Variants in PHACTR1 observed in about 807,000 individuals in gnomAD.
The protein encoded by PHACTR1 is phosphatase and actin regulator 1.
Under a neutral mutation model 69.2 loss-of-function variants are expected in PHACTR1, and 16 were observed. The ratio of observed to expected loss-of-function variants is 0.23; its 90% CI spans 0.16 to 0.35. PHACTR1 has a LOEUF of 0.35. PHACTR1 is among the 10% of genes least tolerant of loss of function. The pLI is 1.00. For missense variants in PHACTR1, 510 were observed against 734.7 expected (o/e 0.69, Z 3.54); for synonymous variants, 312 against 284.5 (o/e 1.10, Z -0.97).
intron 5 of PHACTR1, among the ~76,000 whole-genome samples, chr6:13,094,705 C>G (rs745415099): frequency 1.3e-5 from 2 of 152,094 alleles, no homozygotes; most frequent in African/African-American, 2.4e-5. Context: ...GTGTGTTTGA[C>G]AGCACAATTA....
chr6:13,025,766 G>T (rs1223839143), intron 4 of PHACTR1, among the ~76,000 whole-genome samples: 1 of 151,552 alleles, frequency 6.6e-6, no homozygotes, highest in East Asian at 1.9e-4. Flanking sequence ...TTGGAAACAT[G>T]TATGTATTGG....
At chr6:13,159,255 C>T (rs912059011) in intron 5 of PHACTR1, among the ~76,000 whole-genome samples, 1 of 152,334 alleles carries the variant, frequency 6.6e-6, no homozygotes, top group South Asian at 2.1e-4. Flanking sequence ...TTTGGCTGTT[C>T]CAGCTTGGAG....
At chr6:12,743,313 A>G (rs781056986) in intron 3 of PHACTR1, among the ~76,000 whole-genome samples, 1 of 152,208 alleles carries the variant, frequency 6.6e-6, no homozygotes, top group Non-Finnish European at 1.5e-5. Flanking sequence ...AAGACAAATC[A>G]TAATAGAACC....
At chr6:13,254,524 T>G (rs1285454529) in intron 10 of PHACTR1, among the ~76,000 whole-genome samples, 2 of 152,234 alleles carry the variant, frequency 1.3e-5, no homozygotes, top group South Asian at 4.1e-4. Context: ...AAGTGTCTCC[T>G]TCCTCTTTGG....
At chr6:13,105,072 A>G (rs1054955244) in intron 5 of PHACTR1, among the ~76,000 whole-genome samples, 3 of 152,100 alleles carry the variant, frequency 2.0e-5, no homozygotes, top group African/African-American at 7.2e-5. Context: ...AATTCTCAAC[A>G]CTTCACCTGT....
At chr6:13,192,510 C>T (rs752881958) in intron 7 of PHACTR1, among the ~76,000 whole-genome samples, 1 of 152,162 alleles carries the variant, frequency 6.6e-6, no homozygotes, top group Admixed American at 6.5e-5. Flanking sequence ...GTGAATGTCA[C>T]GAGGAAGGAT....
chr6:13,082,154 C>T (rs1434505905), intron 5 of PHACTR1, among the ~76,000 whole-genome samples: 1 of 152,188 alleles, frequency 6.6e-6, no homozygotes, highest in Non-Finnish European at 1.5e-5. Context: ...CTGCCTCCTA[C>T]TTCCACTCAT....
At chr6:13,060,192 C>A (rs1455862564) in intron 5 of PHACTR1, among the ~76,000 whole-genome samples, 1 of 152,166 alleles carries the variant, frequency 6.6e-6, no homozygotes, top group Non-Finnish European at 1.5e-5. Context: ...TGTCCATTGA[C>A]ACTAGTGGCT....
At chr6:12,780,835 C>T (rs2127642823) in intron 4 of PHACTR1, among the ~76,000 whole-genome samples, 1 of 152,188 alleles carries the variant, frequency 6.6e-6, no homozygotes, top group East Asian at 1.9e-4. Flanking sequence ...AAACTGACCT[C>T]ACTCATGCTT....
intron 4 of PHACTR1, among the ~76,000 whole-genome samples, chr6:12,929,481 C>T (rs138725448): frequency 5.8e-4 from 89 of 152,304 alleles, no homozygotes; most frequent in Middle Eastern, 3.4e-3. Flanking sequence ...GAGAGAGGAA[C>T]TATAAGCTCT....
chr6:12,904,095 A>T (rs1045751532), intron 4 of PHACTR1, among the ~76,000 whole-genome samples: 1 of 152,222 alleles, frequency 6.6e-6, no homozygotes. Flanking sequence ...TATCTCCAGC[A>T]TATCATGCAG....
chr6:12,722,439 TTA>T (rs1045550416), intron 3 of PHACTR1, among the ~76,000 whole-genome samples: 2 of 152,112 alleles, frequency 1.3e-5, no homozygotes, highest in African/African-American at 4.8e-5. Context: ...AATGCCAGAA[TTA>T]TGTTTTTGAT....
At position 13,026,339 on chromosome 6, in the gene PHACTR1, A is replaced by G. The variant is rs374627508; in HGVS notation, c.251-27026A>G. On this transcript the variant is annotated intron_variant, in intron 4 of 14. Transcript: ENST00000332995. ...TTCAGTTCCAGTAGCCTCCAAACCA[A>G]CTGGGCTCGGACAGGTCATTCAGTC... 9.2e-5 allele frequency among the ~76,000 whole-genome samples: 14 copies of G among 152,248 alleles called. No homozygotes were observed. The East Asian group carries it at 2.3e-3, about 25-fold the overall frequency.
chr6:13,072,162 T>G (rs547156987), intron 5 of PHACTR1, among the ~76,000 whole-genome samples: 5 of 152,328 alleles, frequency 3.3e-5, no homozygotes, highest in African/African-American at 1.2e-4. Flanking sequence ...ACAAGGATAC[T>G]CATAATAACG....
chr6:13,009,889 C>T (rs1325680316), intron 4 of PHACTR1, among the ~76,000 whole-genome samples: 2 of 151,776 alleles, frequency 1.3e-5, no homozygotes, highest in African/African-American at 2.4e-5. Context: ...CCACCACCAC[C>T]ACCCTCTGCC....
chr6:13,119,783 C>A (rs1290656557), intron 5 of PHACTR1, among the ~76,000 whole-genome samples: 2 of 152,180 alleles, frequency 1.3e-5, no homozygotes, highest in Non-Finnish European at 2.9e-5. Flanking sequence ...ACACTTCCAG[C>A]AGAACAGATG....
intron 4 of PHACTR1, among the ~76,000 whole-genome samples, chr6:12,921,482 A>AGGAG (rs1222355134): frequency 7.4e-6 from 1 of 134,656 alleles, no homozygotes; most frequent in African/African-American, 2.9e-5. Context: ...GAAGGAAGGA[A>AGGAG]GGAGGGAAGG....
At chr6:13,125,745 A>G (rs921793402) in intron 5 of PHACTR1, among the ~76,000 whole-genome samples, 2 of 152,178 alleles carry the variant, frequency 1.3e-5, no homozygotes, top group Non-Finnish European at 2.9e-5. Context: ...CCTGGGCAAC[A>G]TGGCAAGACC....
chr6:13,210,109 G>A (rs1766579956), intron 8 of PHACTR1, among the ~76,000 whole-genome samples: 1 of 152,204 alleles, frequency 6.6e-6, no homozygotes, highest in South Asian at 2.1e-4. Flanking sequence ...CCAGGCTCAA[G>A]CAATTCTCCC....
Sources: gnomAD v4.1 joint callset for allele counts (sites outside exome capture counted in the v4.1 genomes callset) on GRCh38, gnomAD v4.1.1 for gene constraint, MANE v1.5 for transcripts, NCBI Gene and HGNC (gene_info 2026-07-23, HGNC 2026-07-21) for gene names.